NFIB: variants seen among roughly 807,000 people sequenced by gnomAD.
NFIB encodes the protein nuclear factor 1 B-type.
In NFIB, 11 loss-of-function variants were observed where a neutral mutation model predicts 61.5. The observed-to-expected ratio is 0.18, with a 90% CI of 0.11 to 0.30. The LOEUF is 0.30. NFIB is among the 10% of genes least tolerant of loss of function. The probability of loss-of-function intolerance (pLI) is 1.00; values close to 1 mark genes in which losing one functional copy is unlikely to be tolerated. For synonymous variants in NFIB, 260 were observed against 216.5 expected, an observed-to-expected ratio of 1.20 and a Z score of -1.76; for missense variants, 471 against 608.9, an observed-to-expected ratio of 0.77 and a Z score of 2.38.
intron 2 of NFIB, among the ~76,000 whole-genome samples, chr9:14,186,627 CCTT>C (rs142129510): frequency 0.099 from 14,992 of 151,928 alleles, 1,053 homozygotes; most frequent in East Asian, 0.33. Flanking sequence ...TTGGGCCAAA[CCTT>C]CTTCTCTCTT....
intron 2 of NFIB, among the ~76,000 whole-genome samples, chr9:14,246,099 T>C (rs1418003723): frequency 6.6e-6 from 1 of 151,202 alleles, no homozygotes; most frequent in African/African-American, 2.4e-5. Context: ...GAAAAGGCAT[T>C]CTAGATATCA....
chr9:14,462,047 C>T, the NFIB span, among the ~76,000 whole-genome samples: 3 of 152,168 alleles, frequency 2.0e-5, no homozygotes, highest in Non-Finnish European at 4.4e-5. Flanking sequence ...GGCAGAGTGT[C>T]CTAACACCTT....
the NFIB span, among the ~76,000 whole-genome samples, chr9:14,424,804 G>A: frequency 6.6e-6 from 1 of 152,160 alleles, no homozygotes; most frequent in East Asian, 1.9e-4. Context: ...TTTAGCTCCA[G>A]TTTGACATAT....
At chr9:14,417,085 G>C in the NFIB span, among the ~76,000 whole-genome samples, 1 of 150,978 alleles carries the variant, frequency 6.6e-6, no homozygotes, top group African/African-American at 2.5e-5. Flanking sequence ...GTAGAGACAG[G>C]GTTTCACCAT....
At chr9:14,424,427 C>A in the NFIB span, among the ~76,000 whole-genome samples, 1 of 152,216 alleles carries the variant, frequency 6.6e-6, no homozygotes, top group Non-Finnish European at 1.5e-5. Context: ...AAGACTCTGA[C>A]AATTTCACAT....
Position 14,119,476 on chromosome 9 carries a change from A to G in NFIB, c.1245+964T>C, listed in dbSNP as rs145689090. On this transcript the variant is annotated intron_variant, in intron 8 of 10. Transcript: ENST00000380953. ...AGAAAGGACCATTTTGTTTCATTTTAACAAATTAAGACCAAAGGGATTTTT... is the reference window on the plus strand; with the variant it reads ...AGAAAGGACCATTTTGTTTCATTTTGACAAATTAAGACCAAAGGGATTTTT... Among the ~76,000 whole-genome samples the G allele has an allele frequency of 3.4e-4, 52 of 150,744 alleles. No homozygotes were observed. The East Asian group carries it at 9.0e-3, about 26-fold the overall frequency.
At chr9:14,514,483 GGAA>G in the NFIB span, among the ~76,000 whole-genome samples, 40 of 152,240 alleles carry the variant, frequency 2.6e-4, 1 homozygote, top group East Asian at 1.5e-3. Context: ...ATTTGGTATT[GGAA>G]GAAGAAGTTG....
intron 2 of NFIB, among the ~76,000 whole-genome samples, chr9:14,210,165 T>C (rs1198465524): frequency 1.3e-5 from 2 of 152,156 alleles, no homozygotes; most frequent in Non-Finnish European, 2.9e-5. Context: ...ACTACAAACA[T>C]TTTCCTTTGG....
chr9:14,214,509 C>A (rs1308231922), intron 2 of NFIB, among the ~76,000 whole-genome samples: 2 of 152,234 alleles, frequency 1.3e-5, no homozygotes, highest in Non-Finnish European at 2.9e-5. Flanking sequence ...ACTATCTCAG[C>A]AGCACAGCTC....
the NFIB span, among the ~76,000 whole-genome samples, chr9:14,437,732 C>G: frequency 6.6e-6 from 1 of 152,224 alleles, no homozygotes; most frequent in East Asian, 1.9e-4. Flanking sequence ...TCCAGCATTG[C>G]CACTCCTACC....
At chr9:14,315,907 C>T (rs1276378212), upstream of NFIB, among the ~76,000 whole-genome samples, 1 of 151,750 alleles carries the variant, frequency 6.6e-6, no homozygotes, top group Admixed American at 6.5e-5. Flanking sequence ...ACCGGGTCCT[C>T]GCGGGCCCAT....
chr9:14,237,353 C>T (rs1339600725), intron 2 of NFIB, among the ~76,000 whole-genome samples: 1 of 152,160 alleles, frequency 6.6e-6, no homozygotes, highest in Non-Finnish European at 1.5e-5. Flanking sequence ...CCATTCTTAG[C>T]CCTCTTCTCA....
In NFIB at chr9:14,276,954, T is replaced by C. The variant is rs370902100; in HGVS notation, c.562+30035A>G. On this transcript the variant is annotated intron_variant, in intron 2 of 10. Coordinates refer to ENST00000380953, the MANE Select transcript of NFIB (RefSeq NM_001190737.2). ...TAAAAAGCTTAGGAAAGAATAATTTTTCAATTCAGGAAATTTCTTCATGGT... is the reference window on the plus strand; with the variant it reads ...TAAAAAGCTTAGGAAAGAATAATTTCTCAATTCAGGAAATTTCTTCATGGT... Among the ~76,000 whole-genome samples the C allele has an allele frequency of 1.9e-4, 29 of 152,204 alleles. No individual in the cohort carries two copies. The East Asian group carries it at 3.9e-3, about 20-fold the overall frequency.
At chr9:14,414,103 T>A in the NFIB span, among the ~76,000 whole-genome samples, 1 of 152,116 alleles carries the variant, frequency 6.6e-6, no homozygotes. Context: ...GTGAGGCACA[T>A]GCCATGTCCC....
At chr9:14,167,207 T>A (rs1450779706) in intron 3 of NFIB, among the ~76,000 whole-genome samples, 1 of 151,878 alleles carries the variant, frequency 6.6e-6, no homozygotes, top group Non-Finnish European at 1.5e-5. Flanking sequence ...AGAGGAAACG[T>A]CATCATCCTT....
rs568618981 is a variant in NFIB at position 14,120,819 on chromosome 9, G to A, written c.1061-195C>T. ...ACACCAGTACGGCTAACTACACAGA[G>A]ATAAAACATCACTCTAGAAAATTAA... On this transcript the variant is annotated intron_variant, in intron 7 of 10. Coordinates refer to ENST00000380953, the MANE Select transcript of NFIB (RefSeq NM_001190737.2). This position sits in a 1 kb window ranked among gnomAD's most constrained non-coding sequence, Gnocchi z 4.4. 1.3e-5 allele frequency among the ~76,000 whole-genome samples: 2 copies of A among 152,106 alleles called. No homozygotes were observed. The highest frequency in any genetic ancestry group is 2.9e-5 in the Non-Finnish European group (2 of 68,024).
intron 3 of NFIB, among the ~76,000 whole-genome samples, chr9:14,163,596 A>AT (rs1369563784): frequency 6.6e-6 from 1 of 151,974 alleles, no homozygotes; most frequent in Non-Finnish European, 1.5e-5. Context: ...TAAACCCCAC[A>AT]TGCACCAAAA....
At chr9:14,205,220 G>GAAAGGAA (rs1211967999) in intron 2 of NFIB, among the ~76,000 whole-genome samples, 1 of 21,402 alleles carries the variant, frequency 4.7e-5, no homozygotes, top group African/African-American at 2.3e-4. Flanking sequence ...AGGAAGGGAG[G>GAAAGGAA]GGAGGGGAGG....
chr9:14,243,012 T>C (rs990098014), intron 2 of NFIB, among the ~76,000 whole-genome samples: 1 of 152,166 alleles, frequency 6.6e-6, no homozygotes, highest in Non-Finnish European at 1.5e-5. Flanking sequence ...TCAAGATATA[T>C]CTATATTAAA....
Sources: gnomAD v4.1 joint callset for allele counts (sites outside exome capture counted in the v4.1 genomes callset) on GRCh38, gnomAD v4.1.1 for gene constraint, Gnocchi (gnomAD v3.1) non-coding constraint, MANE v1.5 for transcripts, NCBI Gene and HGNC (gene_info 2026-07-23, HGNC 2026-07-21) for gene names.